The following CCNY variants were observed in gnomAD, a reference collection of about 807,000 sequenced individuals.
CCNY encodes cyclin-Y.
A neutral mutation model predicts 42.8 loss-of-function variants in CCNY; 19 were observed. The ratio of observed to expected loss-of-function variants is 0.44; its 90% confidence interval spans 0.31 to 0.65. The LOEUF is 0.65. CCNY is among the 30% of genes least tolerant of loss of function. The probability of loss-of-function intolerance (pLI) is 0.07; values close to 1 mark genes in which losing one functional copy is unlikely to be tolerated. For synonymous variants in CCNY, 165 were observed against 162.7 expected (o/e 1.01, Z -0.11); for missense variants, 370 against 437.3 (o/e 0.85, Z 1.37).
At chr10:35,397,512 C>T (rs1007029651) in intron 1 of CCNY, among the ~76,000 whole-genome samples, 1 of 152,176 alleles carries the variant, frequency 6.6e-6, no homozygotes, top group Admixed American at 6.5e-5. Context: ...TACCATTTCC[C>T]TCTTTGGCCC....
intron 2 of CCNY, among the ~76,000 whole-genome samples, chr10:35,498,917 A>G (rs1235030947): frequency 2.0e-5 from 3 of 152,212 alleles, no homozygotes; most frequent in Non-Finnish European, 4.4e-5. Flanking sequence ...GAAGCAGTGA[A>G]TGCCTGAGAG....
chr10:35,469,305 G>A (rs1839335134), intron 1 of CCNY, among the ~76,000 whole-genome samples: 1 of 152,218 alleles, frequency 6.6e-6, no homozygotes, highest in South Asian at 2.1e-4. Context: ...TAGCATGAGA[G>A]CTTTTAGGTT....
At chr10:35,323,397 T>A (rs772436485) in intron 3 of CCNY, among the ~76,000 whole-genome samples, 1 of 152,222 alleles carries the variant, frequency 6.6e-6, no homozygotes, top group Non-Finnish European at 1.5e-5. Context: ...CCATCAACAT[T>A]TGTGGTATAT....
chr10:35,474,342 C>T (rs1839457554), intron 1 of CCNY, among the ~76,000 whole-genome samples: 1 of 152,238 alleles, frequency 6.6e-6, no homozygotes. Flanking sequence ...CCTCTGGGGG[C>T]AGGGCACAGA....
At chr10:35,534,403 G>A (rs752554028) in intron 7 of CCNY, among the ~76,000 whole-genome samples, 1 of 152,160 alleles carries the variant, frequency 6.6e-6, no homozygotes, top group Non-Finnish European at 1.5e-5. Flanking sequence ...TGAGCATTCC[G>A]TGTGAGGTTA....
intron 8 of CCNY, among the ~76,000 whole-genome samples, chr10:35,559,896 C>T (rs376707175): frequency 2.5e-4 from 38 of 152,304 alleles, no homozygotes; most frequent in African/African-American, 8.4e-4. Flanking sequence ...TGGGTGATGG[C>T]GCATCAGCAG....
At chr10:35,329,177 G>T (rs1835912299) in intron 3 of CCNY, among the ~76,000 whole-genome samples, 1 of 152,086 alleles carries the variant, frequency 6.6e-6, no homozygotes, top group Non-Finnish European at 1.5e-5. Context: ...TTCCTTTTTG[G>T]TCAAAATGAC....
At chr10:35,495,223 T>C (rs139298509) in intron 2 of CCNY, among the ~76,000 whole-genome samples, 236 of 152,374 alleles carry the variant, frequency 1.5e-3, no homozygotes, top group African/African-American at 5.2e-3. Context: ...AGTTGCATTT[T>C]CTTCTTTATA....
intron 3 of CCNY, among the ~76,000 whole-genome samples, chr10:35,322,310 C>T (rs551832476): frequency 4.0e-5 from 6 of 149,808 alleles, no homozygotes; most frequent in Non-Finnish European, 5.9e-5. Context: ...GCTGAGATCA[C>T]GTCACTACAC....
chr10:35,275,909 T>G (rs1185890853), intron 3 of CCNY, among the ~76,000 whole-genome samples: 1 of 152,220 alleles, frequency 6.6e-6, no homozygotes, highest in East Asian at 1.9e-4. Context: ...GGCATGGTGA[T>G]GCTTCAAATC....
chr10:35,533,304 T>TC (rs1315178975), intron 7 of CCNY, among the ~76,000 whole-genome samples: 1 of 152,122 alleles, frequency 6.6e-6, no homozygotes, highest in Admixed American at 6.5e-5. Flanking sequence ...CTCTTTTTTT[T>TC]CTCACTTTGC....
intron 1 of CCNY, among the ~76,000 whole-genome samples, chr10:35,379,985 T>TA (rs1194811020): frequency 2.0e-5 from 3 of 152,176 alleles, no homozygotes; most frequent in East Asian, 1.9e-4. Flanking sequence ...CTCAGCGCAG[T>TA]AAAAAAATGT....
intron 7 of CCNY, among the ~76,000 whole-genome samples, chr10:35,537,928 T>C (rs1235809467): frequency 6.6e-6 from 1 of 152,154 alleles, no homozygotes; most frequent in Non-Finnish European, 1.5e-5. Flanking sequence ...ACGGTTTGGC[T>C]GTGTCCCCAC....
intron 1 of CCNY, among the ~76,000 whole-genome samples, chr10:35,462,886 A>G (rs533102353): frequency 2.0e-5 from 3 of 152,360 alleles, no homozygotes; most frequent in Non-Finnish European, 2.9e-5. Context: ...GCAGAGGACA[A>G]TGGGATCTTG....
chr10:35,509,674 T>C (rs1413733850), intron 3 of CCNY, among the ~76,000 whole-genome samples: 1 of 152,228 alleles, frequency 6.6e-6, no homozygotes, highest in Non-Finnish European at 1.5e-5. Flanking sequence ...TTTGTGTCTC[T>C]GTGACCCCTG....
At chr10:35,280,994 G>C (rs1835293573) in intron 3 of CCNY, among the ~76,000 whole-genome samples, 1 of 152,148 alleles carries the variant, frequency 6.6e-6, no homozygotes, top group East Asian at 1.9e-4. Context: ...CACACGAAAA[G>C]TTGCTCTACC....
At chr10:35,488,750 A>G (rs952599612) in intron 2 of CCNY, among the ~76,000 whole-genome samples, 2 of 152,198 alleles carry the variant, frequency 1.3e-5, no homozygotes, top group Non-Finnish European at 2.9e-5. Flanking sequence ...TTTAAAATAA[A>G]CTGGCCTTCT....
intron 3 of CCNY, among the ~76,000 whole-genome samples, chr10:35,322,939 T>C (rs1386336577): frequency 6.6e-6 from 1 of 152,158 alleles, no homozygotes; most frequent in African/African-American, 2.4e-5. Context: ...ATTTTTTATT[T>C]TTTTTGAGAT....
intron 3 of CCNY, among the ~76,000 whole-genome samples, chr10:35,514,255 G>A (rs1389490320): frequency 1.3e-5 from 2 of 152,148 alleles, no homozygotes; most frequent in Non-Finnish European, 2.9e-5. Flanking sequence ...GGTCTTTAGA[G>A]TGTTGAGATA....
Sources: gnomAD v4.1 joint callset for allele counts (sites outside exome capture counted in the v4.1 genomes callset) on GRCh38, gnomAD v4.1.1 for gene constraint, MANE v1.5 for transcripts, NCBI Gene and HGNC (gene_info 2026-07-23, HGNC 2026-07-21) for gene names.